Variants in FNTB observed in about 807,000 individuals in gnomAD.
The protein encoded by FNTB is protein farnesyltransferase subunit beta.
In FNTB, 27 loss-of-function variants were observed where a neutral mutation model predicts 59.4. The observed-to-expected ratio is 0.45, with a 90% CI of 0.34 to 0.63. The LOEUF (loss-of-function observed/expected upper bound fraction) is 0.63. Among genes scored for constraint, FNTB ranks in the 20% least tolerant of loss-of-function variants. The pLI is 0.02. For synonymous variants in FNTB, 230 were observed against 220.7 expected (o/e 1.04, Z -0.37); for missense variants, 449 against 559.6 (o/e 0.80, Z 1.99).
At position 65,032,628 on chromosome 14, in the gene FNTB, C is replaced by G. The variant is rs774143140; in HGVS notation, c.624C>G (p.Ala208=). Reference sequence around the variant, plus strand: ...TTTCCAGAAGCGCATACTGTGCTGCCTCCGTAGCCTCGCTGACCAACATCA... The same window carrying G: ...TTTCCAGAAGCGCATACTGTGCTGCGTCCGTAGCCTCGCTGACCAACATCA... ...EVDVRSAYCA[A]SVASLTNIIT... is the part of the protein sequence containing the mutation. Residue 208 remains alanine, a synonymous_variant, in exon 7 of 12, where the codon GCC becomes GCG. Coordinates refer to ENST00000246166, the MANE Select transcript of FNTB (RefSeq NM_002028.4). The surrounding 1 kb of genome is among the most constrained non-coding windows in gnomAD (Gnocchi z 5.0). 1 of 1,613,954 alleles carries G rather than the reference C, an allele frequency of 6.2e-7. No homozygotes were observed. The highest frequency in any genetic ancestry group is 1.7e-5 in the Admixed American group (1 of 60,016).
intron 1 of FNTB, among the ~76,000 whole-genome samples, chr14:64,993,684 A>G (rs1335521853): frequency 6.6e-6 from 1 of 152,168 alleles, no homozygotes; most frequent in Non-Finnish European, 1.5e-5. Context: ...AGGGAGATAT[A>G]GGAAGCAGAG....
chr14:65,040,846 G>A lies in FNTB; in HGVS notation c.749G>A (p.Gly250Asp). 6.2e-7 allele frequency: 1 copy of A among 1,613,960 alleles called. No individual in the cohort carries two copies. The highest frequency in any genetic ancestry group is 8.5e-7 in the Non-Finnish European group (1 of 1,179,992). The change falls in exon 8 of 12, where the codon GGC (glycine) becomes GAC (aspartate). Residue 250 changes from glycine to aspartate, a missense_variant. Physicochemically the swap from Gly to Asp is moderately conservative, Grantham distance 94 (BLOSUM62 -1). Around this residue, in one of 2 missense-constraint regions of FNTB, gnomAD observed 337 missense variants for 479.1 expected, o/e 0.70. Transcript: ENST00000246166. ...GTACCAGGGATGGAAGCCCATGGTG[G>A]CTATACCTTCTGTGGCCTGGCCGCG... ...GGVPGMEAHG[G>D]YTFCGLAALV...
In FNTB at chr14:65,007,420, G is replaced by C. The variant is rs142874938; in HGVS notation, c.209+3107G>C. On this transcript the variant is annotated intron_variant, in intron 2 of 11. Transcript: ENST00000246166. The surrounding 1 kb of genome is among the most constrained non-coding windows in gnomAD (Gnocchi z 4.9). ...GGGACAGACTCACACACATGCCCAG[G>C]ACCACAGACCACGCACAGGTCCAGG... Among the ~76,000 whole-genome samples, 355 of 152,308 alleles carry C rather than the reference G, an allele frequency of 2.3e-3. 2 individuals are homozygous for C. The highest frequency in any genetic ancestry group is 8.2e-3 in the African/African-American group (340 of 41,560).
Position 65,054,677 on chromosome 14 carries a change from C to G in FNTB, c.1170C>G (p.Pro390=). The change falls in exon 11 of 12, where the codon CCC becomes CCG. Residue 390 remains proline, a synonymous_variant. Transcript: ENST00000246166. The surrounding 1 kb of genome is among the most constrained non-coding windows in gnomAD (Gnocchi z 4.4). The part of the protein sequence containing the change: ...AMLHDVVLGV[P]ENALQPTHPV... Reference sequence around the variant, plus strand: ...TGCATGATGTGGTCCTGGGTGTGCCCGAAAACGCTCTGGTAAGACGGGTGC... The same window carrying G: ...TGCATGATGTGGTCCTGGGTGTGCCGGAAAACGCTCTGGTAAGACGGGTGC... 6.2e-7 allele frequency: 1 copy of G among 1,610,252 alleles called. No homozygotes were observed. Among genetic ancestry groups the G allele is most frequent in the Non-Finnish European group, 8.5e-7 (1 of 1,178,340 alleles).
chr14:65,026,608 C>G (rs113322249), intron 4 of FNTB, among the ~76,000 whole-genome samples: 3 of 152,116 alleles, frequency 2.0e-5, no homozygotes, highest in Non-Finnish European at 4.4e-5. Flanking sequence ...ACCTGTAATC[C>G]CAGCACTTGC....
At position 65,001,589 on chromosome 14, in the gene FNTB, G is replaced by C. The variant is rs1888601534; in HGVS notation, c.145-2660G>C. Among the ~76,000 whole-genome samples, 1 of 152,164 alleles carries C rather than the reference G, an allele frequency of 6.6e-6. No homozygotes were observed. The highest frequency in any genetic ancestry group is 1.5e-5 in the Non-Finnish European group (1 of 68,026). ...TAAATACTCCAGCATTTTATATCAA[G>C]GACTTGAGCATCCACAGATTTTGAT... On this transcript the variant is annotated intron_variant, in intron 1 of 11. Coordinates refer to ENST00000246166, the MANE Select transcript of FNTB (RefSeq NM_002028.4). The surrounding 1 kb of genome is among the most constrained non-coding windows in gnomAD (Gnocchi z 5.5).
In FNTB at chr14:64,994,934, AT is replaced by A. The variant is rs1289658810; in HGVS notation, c.144+7844del. ...ATTATTTACTTCATGAACTTAAAAAATTTTTTTACAGCTTTTTGACCCTTTT... is the reference window on the plus strand; with the variant it reads ...ATTATTTACTTCATGAACTTAAAAAATTTTTTACAGCTTTTTGACCCTTTT... On this transcript the variant is annotated intron_variant, in intron 1 of 11. Transcript: ENST00000246166. The surrounding 1 kb of genome is among the most constrained non-coding windows in gnomAD (Gnocchi z 4.2). 1.3e-5 allele frequency among the ~76,000 whole-genome samples: 2 copies of A among 152,328 alleles called. No homozygotes were observed. The highest frequency in any genetic ancestry group is 3.4e-3 in the Middle Eastern group (1 of 294).
At chr14:65,024,439 C>T (rs905688274) in intron 4 of FNTB, among the ~76,000 whole-genome samples, 4 of 152,144 alleles carry the variant, frequency 2.6e-5, no homozygotes, top group African/African-American at 9.7e-5. Context: ...TACAAAGGCC[C>T]AGGATCTTTT....
intron 8 of FNTB, among the ~76,000 whole-genome samples, chr14:65,042,379 G>A (rs1398051745): frequency 6.6e-6 from 1 of 152,210 alleles, no homozygotes; most frequent in African/African-American, 2.4e-5. Flanking sequence ...ATGGGAGACA[G>A]TGACAGATCA....
Position 64,997,798 on chromosome 14 carries a change from G to C in FNTB, c.145-6451G>C, listed in dbSNP as rs558200701. ...ATTGGTAAGAGTTCCTAGTGGCTTA[G>C]AGTCATCCTTGTCTCCCTGGTACAG... On this transcript the variant is annotated intron_variant, in intron 1 of 11. Coordinates refer to ENST00000246166, the MANE Select transcript of FNTB (RefSeq NM_002028.4). The surrounding 1 kb of genome is among the most constrained non-coding windows in gnomAD (Gnocchi z 4.5). 1.3e-5 allele frequency among the ~76,000 whole-genome samples: 2 copies of C among 152,360 alleles called. No homozygotes were observed. Among genetic ancestry groups the C allele is most frequent in the Non-Finnish European group, 2.9e-5 (2 of 68,042 alleles).
intron 4 of FNTB, chr14:65,022,124 G>A: frequency 2.2e-6 from 1 of 454,434 alleles, no homozygotes; most frequent in Non-Finnish European, 4.4e-6. Flanking sequence ...ACCTAGGGAA[G>A]GAGATTTCCT....
intron 4 of FNTB, among the ~76,000 whole-genome samples, chr14:65,019,411 C>T (rs1214760250): frequency 2.0e-5 from 3 of 151,396 alleles, no homozygotes; most frequent in Admixed American, 6.6e-5. Context: ...TGCTTGAATC[C>T]GGGAGGCAGA....
At chr14:65,017,069 C>T (rs1378379456) in intron 4 of FNTB, among the ~76,000 whole-genome samples, 1 of 151,792 alleles carries the variant, frequency 6.6e-6, no homozygotes, top group African/African-American at 2.4e-5. Context: ...ATTACAGGCA[C>T]CCACCACCGT....
chr14:65,016,773 C>T (rs1196060197), intron 4 of FNTB, among the ~76,000 whole-genome samples: 4 of 152,088 alleles, frequency 2.6e-5, no homozygotes, highest in South Asian at 4.1e-4. Context: ...CCTTGTGGTA[C>T]GTAGGATGCT....
rs772863083 is a variant in FNTB, at chr14:65,015,643, C to G, written c.301C>G (p.Pro101Ala). Residue 101 changes from proline to alanine, a missense_variant, in exon 4 of 12, where the codon CCA becomes GCA. Around this residue, in one of 2 missense-constraint regions of FNTB, gnomAD observed 337 missense variants for 479.1 expected, o/e 0.70. Transcript: ENST00000246166. Reference sequence around the variant, plus strand: ...CTCCCAGTGTCTGGATGCCAGCCGCCCATGGCTCTGCTATTGGATCCTGCA... The same window carrying G: ...CTCCCAGTGTCTGGATGCCAGCCGCGCATGGCTCTGCTATTGGATCCTGCA... Reference protein sequence around the residue: ...DAYECLDASRPWLCYWILHSL... With the variant: ...DAYECLDASRAWLCYWILHSL... The G allele has an allele frequency of 6.2e-7, 1 of 1,614,002 alleles. No individual in the cohort carries two copies. The highest frequency in any genetic ancestry group is 8.5e-7 in the Non-Finnish European group (1 of 1,180,020).
chr14:65,013,664 C>T (rs901207608), intron 3 of FNTB, among the ~76,000 whole-genome samples: 7 of 152,196 alleles, frequency 4.6e-5, no homozygotes, highest in African/African-American at 1.7e-4. Context: ...TCTCTTGCCT[C>T]AGCCTTCTGA....
intron 2 of FNTB, among the ~76,000 whole-genome samples, chr14:65,005,431 A>C (rs2061564526): frequency 6.6e-6 from 1 of 151,100 alleles, no homozygotes; most frequent in African/African-American, 2.4e-5. Flanking sequence ...TAATGATGGA[A>C]CACTTTCTCT....
chr14:65,057,713 T>G (rs1481352296), intron 11 of FNTB, among the ~76,000 whole-genome samples: 1 of 152,244 alleles, frequency 6.6e-6, no homozygotes, highest in Non-Finnish European at 1.5e-5. Context: ...TTTTTAATTC[T>G]CTTGGATTTG....
At position 65,037,403 on chromosome 14, in the gene FNTB, C is replaced by CTTTTTTTTTTTT. The variant is rs1555335876; in HGVS notation, c.693-3355_693-3344dup. Among the ~76,000 whole-genome samples, 88 of 29,682 alleles carry CTTTTTTTTTTTT rather than the reference C, an allele frequency of 3.0e-3. 14 individuals are homozygous for CTTTTTTTTTTTT. The highest frequency in any genetic ancestry group is 5.1e-3 in the Admixed American group (12 of 2,374). The allele number at this position is 29,682 out of a possible 152,430, so 19.5% of individuals were successfully genotyped here. On this transcript the variant is annotated intron_variant, in intron 7 of 11. Coordinates refer to ENST00000246166, the MANE Select transcript of FNTB (RefSeq NM_002028.4). ...TAGGCGTGAGCCACCACGCCGGGCC[C>CTTTTTTTTTTTT]TTTTTTTTTTTTTTTTTTTTTTTTT...
Sources: allele counts gnomAD v4.1 joint callset (sites outside exome capture counted in the v4.1 genomes callset), GRCh38; gene constraint gnomAD v4.1.1; regional missense constraint gnomAD v4.1.1; non-coding constraint Gnocchi (gnomAD v3.1); transcripts MANE v1.5; gene names NCBI Gene and HGNC (gene_info 2026-07-23, HGNC 2026-07-21).